EIF2AK4: variants seen among roughly 807,000 people sequenced by gnomAD.
EIF2AK4 encodes eIF-2-alpha kinase GCN2.
A neutral mutation model predicts 211.1 loss-of-function variants in EIF2AK4; 139 were observed. The observed-to-expected ratio is 0.66, with a 90% CI of 0.57 to 0.76. The LOEUF (loss-of-function observed/expected upper bound fraction) is 0.76. Among genes scored for constraint, EIF2AK4 ranks in the 30% least tolerant of loss-of-function variants. The pLI is 0.00. For synonymous variants in EIF2AK4, 710 were observed against 751.3 expected, an observed-to-expected ratio of 0.94 and a Z score of 0.90; for missense variants, 1,664 against 2,043.8, an observed-to-expected ratio of 0.81 and a Z score of 3.58.
chr15:40,000,844 C>A, intron 20 of EIF2AK4, 144 bp from the exon 21 acceptor site: 1 of 771,516 alleles, frequency 1.3e-6, no homozygotes, highest in Non-Finnish European at 2.2e-6. Context: ...AAAATAATGA[C>A]CTATTCAGAA....
chr15:39,939,368 A>G (rs1378008233), intron 1 of EIF2AK4, 137 bp from the exon 2 acceptor site: 4 of 508,356 alleles, frequency 7.9e-6, no homozygotes, highest in Non-Finnish European at 1.3e-5. Context: ...TTTGGAAAGT[A>G]TGCCAGATTA....
intron 37 of EIF2AK4, 31 bp from the exon 38 acceptor site, chr15:40,034,295 T>A: frequency 6.4e-7 from 1 of 1,574,644 alleles, no homozygotes; most frequent in Non-Finnish European, 8.7e-7. Context: ...CCTAGAGACC[T>A]GTTGTTAAGT....
chr15:40,031,439 A>G (rs919841487), intron 35 of EIF2AK4, among the ~76,000 whole-genome samples: 51 of 152,090 alleles, frequency 3.4e-4, no homozygotes, highest in Admixed American at 1.6e-3. Flanking sequence ...GTGGAAACCT[A>G]TTTTTCCCGT....
chr15:39,972,048 A>C (rs907038346), intron 9 of EIF2AK4, among the ~76,000 whole-genome samples: 6 of 152,184 alleles, frequency 3.9e-5, no homozygotes, highest in Non-Finnish European at 5.9e-5. Flanking sequence ...AATGGGTTCA[A>C]GGAATGAAGA....
Position 39,967,446 on chromosome 15 carries a change from G to A in EIF2AK4, c.1120G>A (p.Val374Met), listed in dbSNP as rs2034559737. Residue 374 changes from valine (V) to methionine (M), a missense_variant, in exon 9 of 39, where the codon GTG becomes ATG. Val to Met is a conservative substitution (Grantham distance 21, BLOSUM62 1). Transcript: ENST00000263791. ...MNLKEQDDSI[V>M]VDILVEHISG... ...TCTCAAAGAGCAAGACGACTCCATC[G>A]TGGTGGACATTTTAGTGGAGCACAT... 3.7e-6 allele frequency: 6 copies of A among 1,613,704 alleles called. No homozygotes were observed. Among genetic ancestry groups the A allele is most frequent in the African/African-American group, 1.3e-5 (1 of 74,794 alleles).
chr15:40,009,943 C>A (rs1383077929), intron 26 of EIF2AK4, among the ~76,000 whole-genome samples: 1 of 152,156 alleles, frequency 6.6e-6, no homozygotes, highest in African/African-American at 2.4e-5. Context: ...CCATCCTCAG[C>A]CCTGTACTAC....
At chr15:39,984,929 C>G (rs904097558) in intron 13 of EIF2AK4, among the ~76,000 whole-genome samples, 2 of 152,062 alleles carry the variant, frequency 1.3e-5, no homozygotes, top group African/African-American at 4.8e-5. Context: ...TGTCTTGTGC[C>G]GATTTTCAAA....
intron 7 of EIF2AK4, among the ~76,000 whole-genome samples, chr15:39,964,250 T>G (rs2034512677): frequency 6.6e-6 from 1 of 152,224 alleles, no homozygotes. Flanking sequence ...TGCAGGTTAC[T>G]TCACCTTTGA....
intron 6 of EIF2AK4, among the ~76,000 whole-genome samples, chr15:39,957,415 C>T (rs1403840772): frequency 1.3e-5 from 2 of 151,984 alleles, no homozygotes; most frequent in African/African-American, 4.8e-5. Context: ...GAGCCTCTGC[C>T]GACCCCTCTG....
At chr15:39,997,955 C>T (rs1021603348) in intron 19 of EIF2AK4, among the ~76,000 whole-genome samples, 16 of 152,134 alleles carry the variant, frequency 1.1e-4, no homozygotes, top group Non-Finnish European at 4.4e-5. Flanking sequence ...TTCATAAACA[C>T]GATAACTAGA....
rs1159991684 is a variant in EIF2AK4, at chr15:39,961,865, T to G, written c.825T>G (p.Pro275=). 4.3e-6 allele frequency: 7 copies of G among 1,614,008 alleles called. No homozygotes were observed. Among genetic ancestry groups the G allele is most frequent in the Non-Finnish European group, 5.9e-6 (7 of 1,179,972 alleles). ...TTCTGTATTTCAATATGGGGAGTCC[T>G]GATCAGCTCATGGTGCACAAAGGGA... is the stretch of plus-strand genomic sequence containing the variant. ...CEILYFNMGS[P]DQLMVHKGKC... Residue 275 remains proline, a synonymous_variant, in exon 7 of 39, where the codon CCT becomes CCG. Coordinates refer to ENST00000263791, the MANE Select transcript of EIF2AK4 (RefSeq NM_001013703.4).
intron 4 of EIF2AK4, among the ~76,000 whole-genome samples, chr15:39,951,987 A>G (rs796795468): frequency 6.6e-5 from 10 of 152,230 alleles, no homozygotes; most frequent in African/African-American, 2.2e-4. Flanking sequence ...ACACTCTTTG[A>G]ATTATTGTAT....
intron 15 of EIF2AK4, among the ~76,000 whole-genome samples, chr15:39,988,923 C>G (rs977472983): frequency 6.6e-6 from 1 of 152,126 alleles, no homozygotes; most frequent in African/African-American, 2.4e-5. Context: ...ATCACTTGAA[C>G]CTGGGAGGTG....
At chr15:39,956,737 G>A (rs2034397896) in intron 6 of EIF2AK4, among the ~76,000 whole-genome samples, 1 of 152,220 alleles carries the variant, frequency 6.6e-6, no homozygotes, top group Admixed American at 6.5e-5. Flanking sequence ...ATTAAATAGT[G>A]TAGGGACTTC....
chr15:39,953,420 G>A (rs1880641040), intron 4 of EIF2AK4, among the ~76,000 whole-genome samples: 1 of 152,204 alleles, frequency 6.6e-6, no homozygotes, highest in African/African-American at 2.4e-5. Flanking sequence ...AAATACAGGT[G>A]ATTGAAGAAT....
chr15:40,010,824 A>T (rs191798926), intron 26 of EIF2AK4, among the ~76,000 whole-genome samples: 1 of 152,226 alleles, frequency 6.6e-6, no homozygotes, highest in Non-Finnish European at 1.5e-5. Context: ...ATACAATATG[A>T]TGTCAATCGG....
At chr15:39,983,591 C>T (rs796279414) in intron 13 of EIF2AK4, among the ~76,000 whole-genome samples, 14 of 152,228 alleles carry the variant, frequency 9.2e-5, no homozygotes, top group African/African-American at 1.7e-4. Context: ...CACAGGCATG[C>T]GCCACCATGC....
At chr15:39,972,725 A>G (rs915766394) in intron 9 of EIF2AK4, among the ~76,000 whole-genome samples, 183 bp from the exon 10 acceptor site, 1 of 152,294 alleles carries the variant, frequency 6.6e-6, no homozygotes, top group Admixed American at 6.5e-5. Flanking sequence ...GTCGCATAGC[A>G]TGTAAATCCT....
intron 1 of EIF2AK4, among the ~76,000 whole-genome samples, chr15:39,938,075 G>C (rs1443301636): frequency 6.6e-6 from 1 of 152,142 alleles, no homozygotes; most frequent in African/African-American, 2.4e-5. Context: ...CGTTTGTTAA[G>C]GAGAGCACCA....
Sources: gnomAD v4.1 joint callset for allele counts (sites outside exome capture counted in the v4.1 genomes callset) on GRCh38, gnomAD v4.1.1 for gene constraint, MANE v1.5 for transcripts, NCBI Gene and HGNC (gene_info 2026-07-23, HGNC 2026-07-21) for gene names.